TTC29: variants seen among roughly 807,000 people sequenced by gnomAD.
TTC29 encodes tetratricopeptide repeat domain 29.
Under a neutral mutation model 58.1 loss-of-function variants are expected in TTC29, and 49 were observed. That is an observed-to-expected ratio of 0.84 (90% CI 0.67 to 1.07). The LOEUF (loss-of-function observed/expected upper bound fraction) is 1.07. Among genes scored for constraint, TTC29 ranks in the 50% least tolerant of loss-of-function variants. TTC29 has a pLI of 0.00. For synonymous variants in TTC29, 209 were observed against 196.8 expected (o/e 1.06, Z -0.52); for missense variants, 582 against 555.6 (o/e 1.05, Z -0.48).
chr4:146,785,393 A>G (rs16998691), intron 11 of TTC29, among the ~76,000 whole-genome samples: 35,076 of 152,086 alleles, frequency 0.23, 4,310 homozygotes, highest in East Asian at 0.31. Context: ...TGGCAGCAAC[A>G]AAAATGTTTG....
rs116848836 is a variant in TTC29, at chr4:146,710,117, C to T, written c.1331-2566G>A. Reference sequence around the variant, plus strand: ...TAATATACAGTCAAGTGTCACTTAACGACAAGAATACCTTCTAAGAAATGA... The same window carrying T: ...TAATATACAGTCAAGTGTCACTTAATGACAAGAATACCTTCTAAGAAATGA... On this transcript the variant is annotated intron_variant, in intron 11 of 12. Coordinates refer to ENST00000325106, the MANE Select transcript of TTC29 (RefSeq NM_031956.4). 3.1e-4 allele frequency among the ~76,000 whole-genome samples: 47 copies of T among 152,258 alleles called. 1 individual carries two copies. In the East Asian group the frequency reaches 3.5e-3, roughly 11 times the overall value.
chr4:146,884,974 C>A (rs964161773), intron 6 of TTC29, among the ~76,000 whole-genome samples: 1 of 151,692 alleles, frequency 6.6e-6, no homozygotes, highest in Non-Finnish European at 1.5e-5. Context: ...CAAAAATAAC[C>A]ATACTATGCT....
chr4:146,763,941 A>T (rs1747098257), intron 11 of TTC29: 1 of 151,784 alleles, frequency 6.6e-6, no homozygotes, highest in Non-Finnish European at 1.5e-5. Flanking sequence ...TAACACACAA[A>T]ATAACAGGTT....
At chr4:146,916,916 C>T (rs1734259751) in intron 4 of TTC29, among the ~76,000 whole-genome samples, 2 of 151,258 alleles carry the variant, frequency 1.3e-5, no homozygotes, top group African/African-American at 4.8e-5. Context: ...CATAGATTAA[C>T]AGTTTTCAAA....
intron 10 of TTC29, among the ~76,000 whole-genome samples, chr4:146,809,565 GA>G (rs917544752): frequency 1.4e-5 from 2 of 146,782 alleles, no homozygotes; most frequent in South Asian, 2.3e-4. Context: ...AAATTTACAA[GA>G]AAAAAAACAA....
intron 9 of TTC29, among the ~76,000 whole-genome samples, chr4:146,827,130 T>C (rs1727862771): frequency 6.6e-6 from 1 of 152,122 alleles, no homozygotes; most frequent in Admixed American, 6.5e-5. Flanking sequence ...CCTTCATCCA[T>C]GTCTGTGCCC....
intron 11 of TTC29, among the ~76,000 whole-genome samples, chr4:146,750,348 G>A (rs906198273): frequency 7.2e-5 from 11 of 152,080 alleles, no homozygotes; most frequent in East Asian, 3.9e-4. Flanking sequence ...AGTTCATGCC[G>A]AAAGGAAAAT....
At chr4:146,881,178 CAT>C (rs1333324396) in intron 6 of TTC29, among the ~76,000 whole-genome samples, 1 of 152,120 alleles carries the variant, frequency 6.6e-6, no homozygotes, top group African/African-American at 2.4e-5. Flanking sequence ...CTCTAAGACG[CAT>C]AGACTGGTCT....
At chr4:146,916,177 T>G (rs923214724) in intron 4 of TTC29, among the ~76,000 whole-genome samples, 2 of 151,748 alleles carry the variant, frequency 1.3e-5, no homozygotes, top group African/African-American at 4.8e-5. Context: ...AGATATTATG[T>G]ATATCGTAAT....
intron 8 of TTC29, among the ~76,000 whole-genome samples, chr4:146,859,640 T>C (rs1378481492): frequency 1.3e-5 from 2 of 151,572 alleles, no homozygotes; most frequent in African/African-American, 4.8e-5. Context: ...GCTGAAAGAG[T>C]CAAGATTTAT....
intron 5 of TTC29, among the ~76,000 whole-genome samples, chr4:146,904,751 T>C (rs1733409761): frequency 6.6e-6 from 1 of 152,022 alleles, no homozygotes; most frequent in Admixed American, 6.6e-5. Context: ...ACCAGAGGAG[T>C]CAACCCACAT....
chr4:146,783,642 T>TTCA (rs1424418549), intron 11 of TTC29, among the ~76,000 whole-genome samples: 1 of 151,890 alleles, frequency 6.6e-6, no homozygotes, highest in Non-Finnish European at 1.5e-5. Flanking sequence ...GTTTCAACAG[T>TTCA]TCATCATATT....
intron 11 of TTC29, among the ~76,000 whole-genome samples, chr4:146,740,099 C>T (rs774420351): frequency 1.3e-5 from 2 of 152,124 alleles, no homozygotes; most frequent in African/African-American, 2.4e-5. Flanking sequence ...GAAGCAGAGG[C>T]TCCACATGCT....
chr4:146,928,616 T>C (rs906660499), intron 4 of TTC29, among the ~76,000 whole-genome samples: 10 of 152,214 alleles, frequency 6.6e-5, no homozygotes, highest in African/African-American at 2.4e-4. Context: ...TCCCTCTAGT[T>C]GCTCAGGTCA....
At chr4:146,867,720 T>C in intron 7 of TTC29, 137 bp from the exon 8 acceptor site, 1 of 458,464 alleles carries the variant, frequency 2.2e-6, no homozygotes, top group South Asian at 4.8e-5. Flanking sequence ...AAAACCTAGC[T>C]ATATACTGAA....
At chr4:146,885,223 G>T (rs1731899598) in intron 6 of TTC29, among the ~76,000 whole-genome samples, 1 of 151,700 alleles carries the variant, frequency 6.6e-6, no homozygotes, top group African/African-American at 2.4e-5. Context: ...AAAAGATTTT[G>T]AAAATGTAAT....
intron 9 of TTC29, among the ~76,000 whole-genome samples, chr4:146,820,641 T>C (rs1217973214): frequency 6.6e-6 from 1 of 152,184 alleles, no homozygotes; most frequent in East Asian, 1.9e-4. Flanking sequence ...TTATTCATAA[T>C]AGCCAAGGCA....
In TTC29 at chr4:146,740,648, C is replaced by T. The variant is rs72731879; in HGVS notation, c.1331-33097G>A. ...TTTATTGAGAAGGGTATTCAAAGTA[C>T]CAGACTTAAAGTTCATTAAGGAAAA... is the stretch of plus-strand genomic sequence containing the variant. On this transcript the variant is annotated intron_variant, in intron 11 of 12. Transcript: ENST00000325106. Among the ~76,000 whole-genome samples the T allele has an allele frequency of 2.9e-3, 439 of 151,762 alleles. 1 individual carries two copies. Among genetic ancestry groups the T allele is most frequent in the Non-Finnish European group, 4.7e-3 (320 of 67,866 alleles).
intron 6 of TTC29, among the ~76,000 whole-genome samples, chr4:146,877,026 A>G (rs556441012): frequency 2.6e-5 from 4 of 152,164 alleles, no homozygotes; most frequent in African/African-American, 9.6e-5. Flanking sequence ...GCGAAGATAC[A>G]TACAGAAGGG....
Sources: gnomAD v4.1 joint callset for allele counts (sites outside exome capture counted in the v4.1 genomes callset) on GRCh38, gnomAD v4.1.1 for gene constraint, MANE v1.5 for transcripts, NCBI Gene and HGNC (gene_info 2026-07-23, HGNC 2026-07-21) for gene names.